The following AVL9 variants were observed in gnomAD, a reference collection of about 807,000 sequenced individuals.
AVL9 encodes the protein AVL9 cell migration associated.
In AVL9, 49 loss-of-function variants were observed where a neutral mutation model predicts 79.2. The ratio of observed to expected loss-of-function variants is 0.62; its 90% CI spans 0.49 to 0.79. AVL9 has a LOEUF of 0.79. Ranked by LOEUF, AVL9 falls within the 30% of genes least tolerant of loss-of-function variation. The pLI is 0.00. For synonymous variants in AVL9, 299 were observed against 280.6 expected, an observed-to-expected ratio of 1.07 and a Z score of -0.65; for missense variants, 682 against 776.8, an observed-to-expected ratio of 0.88 and a Z score of 1.45.
intron 10 of AVL9, among the ~76,000 whole-genome samples, chr7:32,565,565 A>AAC (rs1024081859): frequency 4.6e-5 from 7 of 151,596 alleles, no homozygotes; most frequent in African/African-American, 1.5e-4. Flanking sequence ...GTCTCAAAAA[A>AAC]AAAAAAAGAA....
chr7:32,567,458 G>A (rs1021528117), intron 10 of AVL9, among the ~76,000 whole-genome samples: 4 of 152,098 alleles, frequency 2.6e-5, no homozygotes, highest in African/African-American at 7.2e-5. Context: ...GTATAAATAT[G>A]TAATGTTTCC....
chr7:32,548,144 C>CTCTTTTTTTTTTTTTTTTTTT lies in AVL9; in HGVS notation c.301-702_301-701insCTTTTTTTTTTTTTTTTTTTT, dbSNP rs1227025763. Among the ~76,000 whole-genome samples, 154 of 57,542 alleles carry CTCTTTTTTTTTTTTTTTTTTT rather than the reference C, an allele frequency of 2.7e-3. 2 individuals are homozygous for CTCTTTTTTTTTTTTTTTTTTT. Among genetic ancestry groups the CTCTTTTTTTTTTTTTTTTTTT allele is most frequent in the African/African-American group, 7.6e-3 (140 of 18,476 alleles). 37.7% of individuals were successfully genotyped at this position (57,542 alleles called of 152,430 possible). On this transcript the variant is annotated intron_variant, in intron 3 of 15. Coordinates refer to ENST00000318709, the MANE Select transcript of AVL9 (RefSeq NM_015060.3). ...AACAAGCTGTCTGTTTTTGTCATCT[C>CTCTTTTTTTTTTTTTTTTTTT]TTTTTTCTTTTTTTTTTTTTTGAGA... is the stretch of plus-strand genomic sequence containing the variant.
chr7:32,514,642 C>T (rs927672802), intron 1 of AVL9, among the ~76,000 whole-genome samples: 2 of 152,148 alleles, frequency 1.3e-5, no homozygotes, highest in Non-Finnish European at 2.9e-5. Context: ...TGAAAATGGC[C>T]GGTCCTTGCC....
At chr7:32,504,995 T>C (rs552163148) in intron 1 of AVL9, among the ~76,000 whole-genome samples, 13 of 151,972 alleles carry the variant, frequency 8.6e-5, no homozygotes, top group Admixed American at 2.0e-4. Context: ...TGCCTTAGCC[T>C]CCCATGTAGC....
At chr7:32,508,105 T>C (rs2037281878) in intron 1 of AVL9, among the ~76,000 whole-genome samples, 1 of 152,236 alleles carries the variant, frequency 6.6e-6, no homozygotes, top group Non-Finnish European at 1.5e-5. Context: ...GTTCTTTTTA[T>C]ATTATTGAAA....
intron 1 of AVL9, among the ~76,000 whole-genome samples, chr7:32,540,831 A>C (rs1789148303): frequency 7.6e-6 from 1 of 132,264 alleles, no homozygotes; most frequent in South Asian, 2.3e-4. Flanking sequence ...TTCAAATTGC[A>C]TTTCCATGAT....
rs761999294 is a variant in AVL9, at chr7:32,548,909, A to C, written c.363A>C (p.Leu121=). 4 of 1,563,882 alleles carry C rather than the reference A, an allele frequency of 2.6e-6. No individual in the cohort carries two copies. The highest frequency in any genetic ancestry group is 1.2e-5 in the South Asian group (1 of 80,240). The change falls in exon 4 of 16, where the codon CTA becomes CTC. Residue 121 remains leucine, a synonymous_variant. Transcript: ENST00000318709. The part of the protein sequence containing the change: ...RETVQKSVCV[L]SKLPLYGLLQ... ...CTGTTCAGAAAAGTGTCTGTGTTCT[A>C]AGCAAGCTGGTAAGAGACGAAGTAA...
In AVL9 at chr7:32,559,380, T is replaced by C; in HGVS notation, c.1131T>C (p.Asn377=). 2.5e-6 allele frequency: 4 copies of C among 1,613,868 alleles called. No homozygotes were observed. Among genetic ancestry groups the C allele is most frequent in the Non-Finnish European group, 3.4e-6 (4 of 1,179,950 alleles). The change falls in exon 10 of 16, where the codon AAT becomes AAC. Residue 377 remains asparagine, a synonymous_variant. Coordinates refer to ENST00000318709, the MANE Select transcript of AVL9 (RefSeq NM_015060.3). Reference sequence around the variant, plus strand: ...CAATTACTGTACAACCTCAAGCTAATACGGGACAGGTAGTCCTGATACCAG... The same window carrying C: ...CAATTACTGTACAACCTCAAGCTAACACGGGACAGGTAGTCCTGATACCAG... The part of the protein sequence containing the change: ...SLPITVQPQA[N]TGQVVLIPGL...
chr7:32,579,858 C>T (rs907231648), intron 13 of AVL9, among the ~76,000 whole-genome samples: 3 of 151,070 alleles, frequency 2.0e-5, no homozygotes, highest in African/African-American at 7.3e-5. Context: ...AAACCAGTGA[C>T]TCACCTTGAC....
chr7:32,541,672 C>T (rs1445495223), intron 1 of AVL9, among the ~76,000 whole-genome samples: 1 of 150,966 alleles, frequency 6.6e-6, no homozygotes, highest in Non-Finnish European at 1.5e-5. Context: ...AGAGAAGATA[C>T]AGAGAAATGT....
At chr7:32,575,510 T>G (rs1791050943) in intron 12 of AVL9, among the ~76,000 whole-genome samples, 2 of 122,270 alleles carry the variant, frequency 1.6e-5, no homozygotes, top group Admixed American at 9.3e-5. Flanking sequence ...GTATTCATTC[T>G]TAATCTTTTT....
chr7:32,535,162 T>C (rs1788840281), intron 1 of AVL9: 1 of 152,226 alleles, frequency 6.6e-6, no homozygotes, highest in African/African-American at 2.4e-5. Flanking sequence ...GAATGGCATA[T>C]ACTGGTGTCC....
chr7:32,554,427 A>G (rs548115490), intron 7 of AVL9, 131 bp from the exon 8 acceptor site: 1 of 476,560 alleles, frequency 2.1e-6, no homozygotes, highest in Non-Finnish European at 3.7e-6. Context: ...GTATAAGTTC[A>G]TAATTTTTCA....
chr7:32,577,952 T>C (rs902208788), intron 13 of AVL9, among the ~76,000 whole-genome samples: 6 of 152,174 alleles, frequency 3.9e-5, no homozygotes, highest in Admixed American at 3.9e-4. Context: ...AGAAATGGCA[T>C]GCAAATTTGT....
At chr7:32,528,983 C>G (rs1401888018) in intron 1 of AVL9, among the ~76,000 whole-genome samples, 1 of 152,134 alleles carries the variant, frequency 6.6e-6, no homozygotes, top group East Asian at 1.9e-4. Flanking sequence ...GCACTCCAGC[C>G]TGGGTGACAG....
chr7:32,546,251 A>G (rs1789496361), intron 3 of AVL9, among the ~76,000 whole-genome samples: 2 of 151,994 alleles, frequency 1.3e-5, no homozygotes, highest in African/African-American at 2.4e-5. Context: ...AAAACATAGT[A>G]CCTTGAGTAC....
intron 13 of AVL9, among the ~76,000 whole-genome samples, chr7:32,577,829 AAT>A (rs1333873094): frequency 6.6e-6 from 1 of 152,166 alleles, no homozygotes; most frequent in African/African-American, 2.4e-5. Flanking sequence ...TGTTAACTGA[AAT>A]ATATAGGTAG....
rs1791892588 is a variant in AVL9 at position 32,588,497 on chromosome 7, G to A, written c.*4590G>A. 6.6e-6 allele frequency: 1 copy of A among 152,092 alleles called. No homozygotes were observed. Among genetic ancestry groups the A allele is most frequent in the Admixed American group, 6.6e-5 (1 of 15,266 alleles). The allele number at this position is 152,092 out of a possible 1,614,324, so 9.4% of individuals were successfully genotyped here. On this transcript the variant is annotated 3_prime_UTR_variant, in exon 16 of 16. Coordinates refer to ENST00000318709, the MANE Select transcript of AVL9 (RefSeq NM_015060.3). ...AAATTTAGCTGAGAAAACTTAAAAA[G>A]TTTTCTAAGGAAGTTTAACTGTGGC...
intron 4 of AVL9, among the ~76,000 whole-genome samples, chr7:32,549,438 G>A (rs187941296): frequency 0.011 from 1,698 of 151,476 alleles, 24 homozygotes; most frequent in African/African-American, 0.038. Context: ...TGTTGCCTAC[G>A]CTGGTCTCAA....
Sources: gnomAD v4.1 joint callset for allele counts (sites outside exome capture counted in the v4.1 genomes callset) on GRCh38, gnomAD v4.1.1 for gene constraint, MANE v1.5 for transcripts, NCBI Gene and HGNC (gene_info 2026-07-23, HGNC 2026-07-21) for gene names.